Variants in ZRANB3 observed in about 807,000 individuals in gnomAD.
ZRANB3 encodes zinc finger RANBP2-type containing 3, also known as DNA annealing helicase and endonuclease ZRANB3.
In ZRANB3, 125 loss-of-function variants were observed where a neutral mutation model predicts 133.8. That is an observed-to-expected ratio of 0.93 (90% CI 0.81 to 1.08). ZRANB3 has a LOEUF of 1.08. Ranked by LOEUF, ZRANB3 falls within the 50% of genes least tolerant of loss-of-function variation. The pLI is 0.00. For missense variants in ZRANB3, 1,229 were observed against 1,275.5 expected, an observed-to-expected ratio of 0.96 and a Z score of 0.56; for synonymous variants, 387 against 432.7, an observed-to-expected ratio of 0.89 and a Z score of 1.31.
chr2:135,434,868 T>C (rs1033650449), intron 2 of ZRANB3, among the ~76,000 whole-genome samples: 1 of 152,238 alleles, frequency 6.6e-6, no homozygotes, highest in Non-Finnish European at 1.5e-5. Flanking sequence ...TGATTGTGTT[T>C]TCTTTGGCGA....
chr2:135,487,897 T>C (rs1266563051), intron 2 of ZRANB3, among the ~76,000 whole-genome samples: 1 of 152,226 alleles, frequency 6.6e-6, no homozygotes, highest in East Asian at 1.9e-4. Flanking sequence ...TCAAGAACTT[T>C]TCCTTTGCAA....
intron 1 of ZRANB3, chr2:135,511,776 A>G (rs1487677064): frequency 2.6e-6 from 2 of 762,606 alleles, no homozygotes; most frequent in African/African-American, 3.4e-5. Context: ...CTTTCTGTCC[A>G]TAAACTGCAT....
intron 2 of ZRANB3, among the ~76,000 whole-genome samples, chr2:135,391,514 T>G (rs533346239): frequency 5.9e-5 from 9 of 152,208 alleles, no homozygotes; most frequent in African/African-American, 9.6e-5. Context: ...GTGAATTACA[T>G]ATTAGCATAA....
intron 2 of ZRANB3, among the ~76,000 whole-genome samples, chr2:135,462,605 CT>C (rs1187115728): frequency 1.9e-4 from 26 of 134,190 alleles, no homozygotes; most frequent in East Asian, 6.3e-4. Flanking sequence ...TTTTCTTTTT[CT>C]TTTTTTTTTT....
intron 2 of ZRANB3, among the ~76,000 whole-genome samples, chr2:135,403,673 A>G (rs542550711): frequency 1.3e-5 from 2 of 152,112 alleles, no homozygotes; most frequent in African/African-American, 4.8e-5. Context: ...GTCCCTGACC[A>G]CCGAGTAGCC....
chr2:135,394,953 CAAAAAAA>C (rs113220872), intron 2 of ZRANB3, among the ~76,000 whole-genome samples: 8 of 43,378 alleles, frequency 1.8e-4, no homozygotes, highest in African/African-American at 5.0e-4. Flanking sequence ...CTTGTCTCTA[CAAAAAAA>C]AAAAAAAAAA....
At chr2:135,516,945 T>C (rs560637173) in intron 1 of ZRANB3, among the ~76,000 whole-genome samples, 7 of 152,234 alleles carry the variant, frequency 4.6e-5, no homozygotes, top group Non-Finnish European at 7.3e-5. Context: ...CATAGTCCCA[T>C]ATTTCTTGGA....
At chr2:135,449,035 T>C (rs1362136512) in intron 2 of ZRANB3, among the ~76,000 whole-genome samples, 1 of 152,178 alleles carries the variant, frequency 6.6e-6, no homozygotes, top group East Asian at 1.9e-4. Flanking sequence ...AACTACACTG[T>C]AATACTAGGT....
intron 2 of ZRANB3, among the ~76,000 whole-genome samples, chr2:135,469,153 G>C (rs1691138277): frequency 6.6e-6 from 1 of 151,796 alleles, no homozygotes; most frequent in Non-Finnish European, 1.5e-5. Flanking sequence ...ACTAAGAAAA[G>C]GTTCAGAAAG....
At chr2:135,202,000 A>C (rs1298005749) in intron 20 of ZRANB3, among the ~76,000 whole-genome samples, 1 of 152,240 alleles carries the variant, frequency 6.6e-6, no homozygotes, top group Non-Finnish European at 1.5e-5. Flanking sequence ...TGACCTCAAA[A>C]TGTAGAAAAC....
Position 135,345,576 on chromosome 2 carries a change from T to C in ZRANB3, c.651A>G (p.Ala217=), listed in dbSNP as rs751641793. The C allele has an allele frequency of 1.2e-6, 2 of 1,612,866 alleles. No homozygotes were observed. Among genetic ancestry groups the C allele is most frequent in the Admixed American group, 3.3e-5 (2 of 59,890 alleles). Reference sequence around the variant, plus strand: ...TGATGTGTGCATTACAGTATCTTTTTGCATAGTCGGTCCATCTTCCAAATT... The same window carrying C: ...TGATGTGTGCATTACAGTATCTTTTCGCATAGTCGGTCCATCTTCCAAATT... The part of the protein sequence containing the change: ...PQKFGRWTDY[A]KRYCNAHIRY... Residue 217 remains alanine (A), a synonymous_variant, in exon 6 of 21, where the codon GCA becomes GCG. Transcript: ENST00000264159.
chr2:135,300,812 C>A (rs1682389761), intron 8 of ZRANB3, among the ~76,000 whole-genome samples: 1 of 152,182 alleles, frequency 6.6e-6, no homozygotes, highest in Non-Finnish European at 1.5e-5. Flanking sequence ...GGATTCTCTG[C>A]CTATTAGTTA....
At chr2:135,242,480 G>T (rs1250440644) in intron 12 of ZRANB3, among the ~76,000 whole-genome samples, 1 of 150,804 alleles carries the variant, frequency 6.6e-6, no homozygotes, top group Non-Finnish European at 1.5e-5. Context: ...TTAAAGAGAT[G>T]GGGTCTCAGT....
At chr2:135,411,229 C>T (rs1189636567) in intron 2 of ZRANB3, among the ~76,000 whole-genome samples, 1 of 151,818 alleles carries the variant, frequency 6.6e-6, no homozygotes, top group Admixed American at 6.6e-5. Context: ...CAGAGTGAGA[C>T]CCTGTCTCAA....
chr2:135,389,100 C>T (rs139628890), intron 3 of ZRANB3, among the ~76,000 whole-genome samples: 2 of 152,108 alleles, frequency 1.3e-5, no homozygotes, highest in East Asian at 3.9e-4. Flanking sequence ...CAAAAACAAA[C>T]CAAAACAAGC....
intron 2 of ZRANB3, among the ~76,000 whole-genome samples, chr2:135,431,316 TA>T (rs1409970819): frequency 4.0e-5 from 6 of 150,338 alleles, no homozygotes; most frequent in African/African-American, 9.7e-5. Flanking sequence ...AATATATATG[TA>T]AAAAAAAGTA....
At chr2:135,408,999 G>C (rs1266737323) in intron 2 of ZRANB3, among the ~76,000 whole-genome samples, 1 of 151,972 alleles carries the variant, frequency 6.6e-6, no homozygotes, top group Non-Finnish European at 1.5e-5. Context: ...AAATGCCTGA[G>C]GCTCAGTAAT....
intron 12 of ZRANB3, among the ~76,000 whole-genome samples, chr2:135,240,223 T>C (rs528717796): frequency 6.6e-6 from 1 of 152,116 alleles, no homozygotes; most frequent in African/African-American, 2.4e-5. Context: ...GCGCCTGTAG[T>C]CCTAGCTACT....
intron 3 of ZRANB3, among the ~76,000 whole-genome samples, chr2:135,360,405 G>A (rs750688731): frequency 5.3e-5 from 8 of 151,178 alleles, no homozygotes; most frequent in South Asian, 2.1e-4. Flanking sequence ...TGAATAAATA[G>A]ATAAAACAAA....
Sources: gnomAD v4.1 joint callset for allele counts (sites outside exome capture counted in the v4.1 genomes callset) on GRCh38, gnomAD v4.1.1 for gene constraint, MANE v1.5 for transcripts, NCBI Gene and HGNC (gene_info 2026-07-23, HGNC 2026-07-21) for gene names.